Variants in IRAG2 observed in about 807,000 individuals in gnomAD.
IRAG2 encodes the protein inositol 1,4,5-triphosphate receptor associated 2, also known as lymphoid restricted membrane protein.
IRAG2 carries 45 observed loss-of-function variants against 69.9 expected under a neutral mutation model. That is an observed-to-expected ratio of 0.64 (90% CI 0.51 to 0.83). The LOEUF is 0.83. Among genes scored for constraint, IRAG2 ranks in the 40% least tolerant of loss-of-function variants. The probability of loss-of-function intolerance (pLI) is 0.00; values close to 1 mark genes in which losing one functional copy is unlikely to be tolerated. For synonymous variants in IRAG2, 193 were observed against 202.4 expected (o/e 0.95, Z 0.40); for missense variants, 520 against 587.0 (o/e 0.89, Z 1.18).
At chr12:25,023,935 G>A (rs11047765) in intron 8 of IRAG2, 339,902 of 1,207,360 alleles carry the variant, frequency 0.28, 51,426 homozygotes, top group Middle Eastern at 0.31. Context: ...TGTCAGAATC[G>A]TTAAACACTG....
At chr12:25,038,082 A>G (rs1172629945) in exon 16 of IRAG2, 1 of 398,908 alleles carries the variant, frequency 2.5e-6, no homozygotes, top group East Asian at 3.6e-5. Flanking sequence ...ATTAATAGAG[A>G]TTTTGAAGAG....
At chr12:25,003,411 CACCT>C (rs1944406984), upstream of IRAG2, among the ~76,000 whole-genome samples, 2 of 152,034 alleles carry the variant, frequency 1.3e-5, no homozygotes, top group East Asian at 3.8e-4. Context: ...CCTGTGGTGA[CACCT>C]TCATGGCTCA....
chr12:25,004,846 T>C, exon 1 of IRAG2: 1 of 1,232,086 alleles, frequency 8.1e-7, no homozygotes. Context: ...TGATTCCACC[T>C]TTGTTCAAAG....
intron 1 of IRAG2, among the ~76,000 whole-genome samples, chr12:25,056,508 T>C (rs1365198787): frequency 6.6e-6 from 1 of 152,246 alleles, no homozygotes; most frequent in Non-Finnish European, 1.5e-5. Flanking sequence ...CTGGGTAAAG[T>C]TGAGCAAATC....
chr12:25,018,239 C>G (rs1177635043), intron 6 of IRAG2, among the ~76,000 whole-genome samples: 1 of 145,858 alleles, frequency 6.9e-6, no homozygotes, highest in Admixed American at 7.0e-5. Context: ...CTTTGACACC[C>G]AGGCTGTAGT....
At chr12:25,059,381 T>C (rs2139949821) in intron 1 of IRAG2, among the ~76,000 whole-genome samples, 1 of 152,290 alleles carries the variant, frequency 6.6e-6, no homozygotes, top group Admixed American at 6.5e-5. Flanking sequence ...GACAGAGTCT[T>C]GCTCTGTCAC....
chr12:25,021,406 T>C (rs1294893083), intron 7 of IRAG2, among the ~76,000 whole-genome samples: 1 of 152,262 alleles, frequency 6.6e-6, no homozygotes, highest in African/African-American at 2.4e-5. Flanking sequence ...TAAAAACCAC[T>C]TGAATTAAAA....
intron 3 of IRAG2, among the ~76,000 whole-genome samples, chr12:25,013,049 A>G (rs12826528): frequency 1.9e-3 from 291 of 152,360 alleles, no homozygotes; most frequent in Middle Eastern, 0.01. Flanking sequence ...AAGATTTTTA[A>G]AAAATGACTC....
At chr12:25,084,076 A>G (rs185736628) in intron 10 of IRAG2, among the ~76,000 whole-genome samples, 117 of 152,322 alleles carry the variant, frequency 7.7e-4, no homozygotes, top group Admixed American at 2.5e-3. Context: ...GAAAAGAGTT[A>G]AATTCCTTCC....
chr12:25,015,088 G>GAAA, intron 3 of IRAG2: 7,527 of 50,648 alleles, frequency 0.15, 1,421 homozygotes, highest in Admixed American at 0.23. Context: ...GCATAAATCT[G>GAAA]AAAAAAAAAA....
At chr12:25,011,116 G>A (rs1202398337) in intron 2 of IRAG2, among the ~76,000 whole-genome samples, 6 of 152,124 alleles carry the variant, frequency 3.9e-5, no homozygotes, top group African/African-American at 1.4e-4. Context: ...CTCAGATAAA[G>A]AAACAGGTTC....
In IRAG2 at chr12:25,026,868, T is replaced by C. The variant is rs1183320730; in HGVS notation, c.1461+2T>C. On this transcript the variant is annotated splice_donor_variant, in intron 9 of 38. Coordinates refer to the IRAG2 transcript ENST00000636465. LOFTEE classifies it high-confidence loss of function. ...TCTAAAACTGAGACAGAGCACCAAGTAAGCACTTCCCAAATACTGGTAAAA... is the reference window on the plus strand; with the variant it reads ...TCTAAAACTGAGACAGAGCACCAAGCAAGCACTTCCCAAATACTGGTAAAA... 16 of 1,218,028 alleles carry C rather than the reference T, an allele frequency of 1.3e-5. No homozygotes were observed. In the South Asian group the frequency reaches 5.8e-4, roughly 44 times the overall value. The allele number at this position is 1,218,028 out of a possible 1,614,324, so 75.5% of individuals were successfully genotyped here.
At chr12:25,076,694 A>G (rs1052752508) in intron 6 of IRAG2, 1 of 752,314 alleles carries the variant, frequency 1.3e-6, no homozygotes, top group Non-Finnish European at 1.6e-6. Flanking sequence ...GTTATAGTGC[A>G]ATAATAAATG....
chr12:25,010,114 G>A (rs984995845), intron 2 of IRAG2, among the ~76,000 whole-genome samples: 1 of 152,190 alleles, frequency 6.6e-6, no homozygotes, highest in Non-Finnish European at 1.5e-5. Context: ...GAGTTTCAGT[G>A]GAGGAAAATA....
intron 1 of IRAG2, among the ~76,000 whole-genome samples, chr12:25,054,540 T>C (rs1945105923): frequency 6.6e-6 from 1 of 152,246 alleles, no homozygotes; most frequent in South Asian, 2.1e-4. Flanking sequence ...CTTGCTATTG[T>C]TGTCTTCCCA....
At chr12:25,106,777 T>C (rs920014381) in intron 20 of IRAG2, among the ~76,000 whole-genome samples, 166 bp from the exon 21 acceptor site, 2 of 151,972 alleles carry the variant, frequency 1.3e-5, no homozygotes, top group African/African-American at 2.4e-5. Context: ...GTTTAAATTA[T>C]AAATCTGGTG....
chr12:25,088,480 A>G (rs1175932355), intron 11 of IRAG2, among the ~76,000 whole-genome samples: 1 of 152,216 alleles, frequency 6.6e-6, no homozygotes, highest in Non-Finnish European at 1.5e-5. Flanking sequence ...CCCTATTTAC[A>G]GAATAAGTGC....
intron 12 of IRAG2, among the ~76,000 whole-genome samples, chr12:25,032,642 C>T (rs143583560): frequency 9.2e-5 from 14 of 152,284 alleles, no homozygotes; most frequent in African/African-American, 2.6e-4. Flanking sequence ...ACTCCAAGAT[C>T]AGGATGCCAG....
chr12:25,072,229 G>GGA (rs1946386851), intron 6 of IRAG2, among the ~76,000 whole-genome samples: 1 of 151,700 alleles, frequency 6.6e-6, no homozygotes. Context: ...GAAAGAAAAA[G>GGA]AAAAAAAAGA....
Sources: gnomAD v4.1 joint callset for allele counts (sites outside exome capture counted in the v4.1 genomes callset) on GRCh38, gnomAD v4.1.1 for gene constraint, MANE v1.5 for transcripts, NCBI Gene and HGNC (gene_info 2026-07-23, HGNC 2026-07-21) for gene names.